CSMD1: variants seen among roughly 807,000 people sequenced by gnomAD.
CSMD1 encodes CUB and sushi domain-containing protein 1.
CSMD1 carries 213 observed loss-of-function variants against 417.5 expected under a neutral mutation model. That is an observed-to-expected ratio of 0.51 (90% CI 0.46 to 0.57). CSMD1 has a LOEUF of 0.57. Ranked by LOEUF, CSMD1 falls within the 20% of genes least tolerant of loss-of-function variation. The pLI is 0.00. For missense variants in CSMD1, 6,923 were observed against 4,529.7 expected, an observed-to-expected ratio of 1.53 and a Z score of -15.17; for synonymous variants, 2,862 against 1,736.8, an observed-to-expected ratio of 1.65 and a Z score of -16.11.
intron 26 of CSMD1, among the ~76,000 whole-genome samples, chr8:3,257,529 C>T (rs867971175): frequency 5.3e-5 from 8 of 152,094 alleles, no homozygotes; most frequent in Non-Finnish European, 8.8e-5. Flanking sequence ...ACAGGAGTGT[C>T]GATGGCACTG....
intron 15 of CSMD1, among the ~76,000 whole-genome samples, chr8:3,399,881 A>G (rs1426081018): frequency 6.6e-6 from 1 of 152,206 alleles, no homozygotes; most frequent in African/African-American, 2.4e-5. Flanking sequence ...ACAATTATCT[A>G]TACATAAGCA....
intron 3 of CSMD1, among the ~76,000 whole-genome samples, chr8:4,244,186 T>A (rs1053144400): frequency 3.3e-5 from 5 of 152,144 alleles, no homozygotes; most frequent in African/African-American, 2.4e-5. Flanking sequence ...GTAGAACCGT[T>A]TAGGCTTAGC....
intron 3 of CSMD1, among the ~76,000 whole-genome samples, chr8:4,204,094 C>G (rs1027406512): frequency 2.2e-4 from 34 of 152,104 alleles, no homozygotes; most frequent in African/African-American, 8.0e-4. Context: ...GAACAAGACT[C>G]TGTCTCAAAA....
intron 11 of CSMD1, among the ~76,000 whole-genome samples, chr8:3,474,883 T>A (rs1817318312): frequency 6.6e-6 from 1 of 152,210 alleles, no homozygotes; most frequent in African/African-American, 2.4e-5. Context: ...AATGAAACAC[T>A]AAATAAATCT....
At chr8:3,589,845 C>G (rs770739088) in intron 8 of CSMD1, among the ~76,000 whole-genome samples, 1 of 152,124 alleles carries the variant, frequency 6.6e-6, no homozygotes, top group Non-Finnish European at 1.5e-5. Flanking sequence ...TCCAGACTCT[C>G]ATGTACACCA....
chr8:3,327,869 T>C (rs1263288680), intron 23 of CSMD1, among the ~76,000 whole-genome samples: 2 of 152,202 alleles, frequency 1.3e-5, no homozygotes, highest in South Asian at 2.1e-4. Flanking sequence ...TGTCCTTCTG[T>C]TGGTCTTCCA....
chr8:4,557,197 G>T (rs956938097), intron 2 of CSMD1, among the ~76,000 whole-genome samples: 7 of 152,116 alleles, frequency 4.6e-5, no homozygotes, highest in Middle Eastern at 3.2e-3. Flanking sequence ...CGGATTCGAG[G>T]CTGAGTTCAA....
At chr8:4,439,664 G>T (rs113045067) in intron 2 of CSMD1, among the ~76,000 whole-genome samples, 2 of 152,084 alleles carry the variant, frequency 1.3e-5, no homozygotes, top group South Asian at 4.1e-4. Context: ...GTAGGAGTGC[G>T]TACTATGAAA....
chr8:3,728,342 T>A (rs1802619165), intron 6 of CSMD1, among the ~76,000 whole-genome samples: 1 of 152,280 alleles, frequency 6.6e-6, no homozygotes, highest in South Asian at 2.1e-4. Context: ...CACGTGGAAC[T>A]GGGAGTCCAT....
chr8:4,580,491 T>C (rs1283830284), intron 2 of CSMD1, among the ~76,000 whole-genome samples: 3 of 152,202 alleles, frequency 2.0e-5, no homozygotes, highest in Non-Finnish European at 4.4e-5. Context: ...TTATGGAAAT[T>C]TCCTAATATC....
At chr8:3,562,821 T>G (rs1272785716) in intron 10 of CSMD1, among the ~76,000 whole-genome samples, 1 of 151,980 alleles carries the variant, frequency 6.6e-6, no homozygotes, top group Non-Finnish European at 1.5e-5. Context: ...TAAGGCGCAC[T>G]AGGCTTATTT....
At chr8:3,386,180 C>T (rs1408237685) in intron 18 of CSMD1, among the ~76,000 whole-genome samples, 2 of 152,190 alleles carry the variant, frequency 1.3e-5, no homozygotes, top group African/African-American at 4.8e-5. Flanking sequence ...TGCCTCAGCT[C>T]ATCTGCACAA....
At chr8:3,886,882 C>G (rs982817527) in intron 5 of CSMD1, among the ~76,000 whole-genome samples, 1 of 152,160 alleles carries the variant, frequency 6.6e-6, no homozygotes, top group Admixed American at 6.5e-5. Flanking sequence ...CTGGCTCTCG[C>G]ATGGTAATGA....
intron 1 of CSMD1, among the ~76,000 whole-genome samples, chr8:4,967,040 G>A (rs1312170634): frequency 2.0e-5 from 3 of 152,128 alleles, no homozygotes; most frequent in African/African-American, 4.8e-5. Context: ...AGACATCGCA[G>A]TGTTCTCCAG....
intron 12 of CSMD1, among the ~76,000 whole-genome samples, chr8:3,467,065 T>C (rs1034386748): frequency 6.6e-6 from 1 of 152,178 alleles, no homozygotes; most frequent in Non-Finnish European, 1.5e-5. Flanking sequence ...AAAAGCCATC[T>C]CAGGGTGGCT....
chr8:4,144,422 G>T (rs948688921), intron 3 of CSMD1, among the ~76,000 whole-genome samples: 3 of 151,170 alleles, frequency 2.0e-5, no homozygotes, highest in African/African-American at 7.4e-5. Context: ...AAAATCTGAA[G>T]TGAAGAATCA....
At position 4,399,034 on chromosome 8, in the gene CSMD1, G is replaced by C. The variant is rs143174964; in HGVS notation, c.415+20919C>G. 1.8e-4 allele frequency among the ~76,000 whole-genome samples: 28 copies of C among 152,260 alleles called. 2 individuals carry two copies. The East Asian group carries it at 5.4e-3, about 29-fold the overall frequency. On this transcript the variant is annotated intron_variant, in intron 3 of 69. Coordinates refer to ENST00000635120, the MANE Select transcript of CSMD1 (RefSeq NM_033225.6). ...TACACAGCTTTGTAAATAAGTATGA[G>C]ACAAGTGTTCTGTAAGAATCTCAGT...
chr8:4,083,904 G>A (rs867058912), intron 3 of CSMD1, among the ~76,000 whole-genome samples: 13 of 152,094 alleles, frequency 8.5e-5, no homozygotes, highest in African/African-American at 1.4e-4. Context: ...GTGAACAGGC[G>A]ACTTACAAAA....
chr8:3,018,252 A>T (rs78160512), intron 52 of CSMD1, among the ~76,000 whole-genome samples: 5,339 of 152,334 alleles, frequency 0.035, 124 homozygotes, highest in African/African-American at 0.07. Flanking sequence ...CTCTTGCAAG[A>T]TTGCCTTTAT....
Sources: gnomAD v4.1 joint callset for allele counts (sites outside exome capture counted in the v4.1 genomes callset) on GRCh38, gnomAD v4.1.1 for gene constraint, MANE v1.5 for transcripts, NCBI Gene and HGNC (gene_info 2026-07-23, HGNC 2026-07-21) for gene names.